Variants in RICTOR observed in about 807,000 individuals in gnomAD.
RICTOR encodes the protein RPTOR independent companion of MTOR complex 2, also known as rapamycin-insensitive companion of mTOR.
Under a neutral mutation model 214.9 loss-of-function variants are expected in RICTOR, and 49 were observed. The observed-to-expected ratio is 0.23, with a 90% CI of 0.18 to 0.29. The LOEUF (loss-of-function observed/expected upper bound fraction) is 0.29, where lower values mean the gene tolerates loss of function less well. Among genes scored for constraint, RICTOR ranks in the 10% least tolerant of loss-of-function variants. RICTOR has a pLI of 1.00. For synonymous variants in RICTOR, 717 were observed against 711.3 expected, an observed-to-expected ratio of 1.01 and a Z score of -0.13; for missense variants, 1,625 against 2,047.0, an observed-to-expected ratio of 0.79 and a Z score of 3.98.
chr5:38,962,973 T>C lies in RICTOR; in HGVS notation c.1469A>G (p.Tyr490Cys), dbSNP rs537050089. 2.0e-5 allele frequency: 32 copies of C among 1,612,682 alleles called. No individual in the cohort carries two copies. The African/African-American group carries it at 2.0e-4, about 10-fold the overall frequency. Reference protein sequence around the residue: ...HEMKKRGPKPYSLHLDHIIQK... With the variant: ...HEMKKRGPKPCSLHLDHIIQK... ...AATAATGTGGTCTAAATGAAGACTA[T>C]AAGGCTTAGGTCCTCGTTTCTTCAT... The change falls in exon 17 of 38, where the codon TAT becomes TGT. Residue 490 changes from tyrosine to cysteine, a missense_variant. Physicochemically the swap from Tyr to Cys is radical, Grantham distance 194 (BLOSUM62 -2). Transcript: ENST00000357387.
chr5:38,968,074 CT>C (rs1750384744), intron 11 of RICTOR, 44 bp from the exon 12 acceptor site: 1 of 1,120,594 alleles, frequency 8.9e-7, no homozygotes, highest in African/African-American at 1.5e-5. Flanking sequence ...TTATGAAACA[CT>C]TTTAAGATTT....
At chr5:39,053,890 C>CAAA (rs35354716) in intron 2 of RICTOR, among the ~76,000 whole-genome samples, 1 of 78,366 alleles carries the variant, frequency 1.3e-5, no homozygotes, top group East Asian at 3.3e-4. Flanking sequence ...GACTCCGTCT[C>CAAA]AAAAAAAAAA....
Position 38,947,304 on chromosome 5 carries a change from A to G in RICTOR, c.4274T>C (p.Ile1425Thr), listed in dbSNP as rs775180949. 2.2e-5 allele frequency: 36 copies of G among 1,612,970 alleles called. No individual in the cohort carries two copies. The highest frequency in any genetic ancestry group is 5.5e-5 in the South Asian group (5 of 91,040). Reference sequence around the variant, plus strand: ...TATATCCACCGGGAGAGCAAGACCAATGTAATCATCTGAACCCCCATATGT... The same window carrying G: ...TATATCCACCGGGAGAGCAAGACCAGTGTAATCATCTGAACCCCCATATGT... ...SATYGGSDDYIGLALPVDIND... is the reference protein window; with the variant it reads ...SATYGGSDDYTGLALPVDIND... The change falls in exon 32 of 38, where the codon ATT becomes ACT. Residue 1425 changes from isoleucine to threonine, a missense_variant. By Grantham distance (89) the Ile-to-Thr change is moderately conservative (BLOSUM62 -1). Coordinates refer to ENST00000357387, the MANE Select transcript of RICTOR (RefSeq NM_152756.5).
At chr5:39,006,404 T>C (rs1175587118) in intron 3 of RICTOR, among the ~76,000 whole-genome samples, 1 of 152,124 alleles carries the variant, frequency 6.6e-6, no homozygotes, top group Non-Finnish European at 1.5e-5. Flanking sequence ...ATGTCCTTAA[T>C]TGATTTATTG....
At position 38,959,644 on chromosome 5, in the gene RICTOR, A is replaced by G. The variant is rs530083761; in HGVS notation, c.2051+135T>C. 15 of 635,926 alleles carry G rather than the reference A, an allele frequency of 2.4e-5. No individual in the cohort carries two copies. The East Asian group carries it at 4.1e-4, about 18-fold the overall frequency. The allele number at this position is 635,926 out of a possible 1,614,324, so 39.4% of individuals were successfully genotyped here. On this transcript the variant is annotated intron_variant, in intron 21 of 37. Transcript: ENST00000357387. ...TAATAACAACAATTTTAAAAAGAAT[A>G]TTAAAGCAAAGATAATGCTAATTTA...
At chr5:39,006,311 A>G (rs1754048266) in intron 3 of RICTOR, among the ~76,000 whole-genome samples, 1 of 152,172 alleles carries the variant, frequency 6.6e-6, no homozygotes, top group Non-Finnish European at 1.5e-5. Context: ...TACTACCTTT[A>G]TGGATCCCAC....
chr5:38,958,564 C>T, intron 23 of RICTOR, 45 bp from the exon 24 acceptor site: 3 of 1,554,296 alleles, frequency 1.9e-6, no homozygotes, highest in Non-Finnish European at 2.6e-6. Context: ...ACAAAAATAG[C>T]AAAATTTTTA....
rs1161028536 is a variant in RICTOR, at chr5:38,944,972, C to T, written c.4730G>A (p.Ser1577Asn). Residue 1577 changes from serine to asparagine, a missense_variant, in exon 35 of 38, where the codon AGT becomes AAT. Around this residue, in one of 5 missense-constraint regions of RICTOR, gnomAD observed 1,214 missense variants for 1,470.5 expected, o/e 0.83. Transcript: ENST00000357387. ...TGAGCCTTCTTGAGACACCCCATCA[C>T]TGCATCCAGAAATCCCCGAAAACTT... Reference protein sequence around the residue: ...PSKFSGISGCSDGVSQEGSAS... With the variant: ...PSKFSGISGCNDGVSQEGSAS... 6.2e-7 allele frequency: 1 copy of T among 1,614,006 alleles called. No individual in the cohort carries two copies. Among genetic ancestry groups the T allele is most frequent in the Non-Finnish European group, 8.5e-7 (1 of 1,179,896 alleles).
Position 38,971,948 on chromosome 5 carries a change from A to G in RICTOR, c.901T>C (p.Leu301=), listed in dbSNP as rs1439069052. The part of the protein sequence containing the change: ...TFRSWAGIIN[L]CKPGNSGIQS... ...ATCCCAGAATTTCCAGGTTTACATA[A>G]ATTAATAATACCTAAAGAGGACAGA... Residue 301 remains leucine (L), a synonymous_variant, in exon 11 of 38, where the codon TTA becomes CTA. Transcript: ENST00000357387. 7.2e-7 allele frequency: 1 copy of G among 1,398,124 alleles called. No individual in the cohort carries two copies. The highest frequency in any genetic ancestry group is 1.4e-5 in the African/African-American group (1 of 70,022). 86.6% of individuals were successfully genotyped at this position (1,398,124 alleles called of 1,614,324 possible).
intron 2 of RICTOR, among the ~76,000 whole-genome samples, chr5:39,032,287 C>T (rs1756332410): frequency 6.6e-6 from 1 of 152,220 alleles, no homozygotes; most frequent in South Asian, 2.1e-4. Context: ...CTTGAAATAA[C>T]CATGTTTCCT....
At chr5:38,981,806 A>G in intron 8 of RICTOR, 61 bp downstream of exon 8, 1 of 1,185,866 alleles carries the variant, frequency 8.4e-7, no homozygotes, top group Non-Finnish European at 1.2e-6. Context: ...TAGTATTTCA[A>G]AGTAAAAGTA....
chr5:39,041,703 G>A (rs1757182015), intron 2 of RICTOR, among the ~76,000 whole-genome samples: 2 of 152,018 alleles, frequency 1.3e-5, no homozygotes, highest in South Asian at 4.1e-4. Flanking sequence ...CAGATTTGGG[G>A]GAAATTTTCT....
chr5:38,995,689 C>G (rs1580048153), intron 6 of RICTOR, among the ~76,000 whole-genome samples: 1 of 151,192 alleles, frequency 6.6e-6, no homozygotes, highest in East Asian at 1.9e-4. Flanking sequence ...GACATATAAC[C>G]CAAATAACCA....
At chr5:39,074,299 G>A (rs745365610) in intron 1 of RICTOR, 30 bp downstream of exon 1, 2 of 1,558,598 alleles carry the variant, frequency 1.3e-6, no homozygotes, top group South Asian at 1.2e-5. Flanking sequence ...GGCGCCGGGC[G>A]GTGGGGAGTG....
chr5:39,039,637 C>A (rs995611449), intron 2 of RICTOR, among the ~76,000 whole-genome samples: 8 of 152,026 alleles, frequency 5.3e-5, no homozygotes, highest in African/African-American at 1.9e-4. Context: ...ACAAACAACC[C>A]CATCAAAAAG....
chr5:38,978,850 G>C (rs549253497), intron 8 of RICTOR, among the ~76,000 whole-genome samples, 200 bp from the exon 9 acceptor site: 1 of 151,918 alleles, frequency 6.6e-6, no homozygotes, highest in South Asian at 2.1e-4. Context: ...CTTTTAAATT[G>C]AGGTTTAACA....
In RICTOR at chr5:38,981,944, C is replaced by T; in HGVS notation, c.676G>A (p.Ala226Thr). Reference sequence around the variant, plus strand: ...AGGTGCAAAATTGTAGTAATTAGGGCCTCATTTATTCGACTTAATTGGCAA... The same window carrying T: ...AGGTGCAAAATTGTAGTAATTAGGGTCTCATTTATTCGACTTAATTGGCAA... Reference protein sequence around the residue: ...IDCQLSRINEALITTILHLLN... With the variant: ...IDCQLSRINETLITTILHLLN... The change falls in exon 8 of 38, where the codon GCC becomes ACC. Residue 226 changes from alanine to threonine, a missense_variant. Ala to Thr is a moderately conservative substitution (Grantham distance 58). This residue lies in a region of RICTOR where 258 missense variants were observed against 393.7 expected (regional missense o/e 0.66). Transcript: ENST00000357387. 6.2e-7 allele frequency: 1 copy of T among 1,612,746 alleles called. No individual in the cohort carries two copies. Among genetic ancestry groups the T allele is most frequent in the Non-Finnish European group, 8.5e-7 (1 of 1,178,872 alleles).
At chr5:38,990,627 ATATATATC>A (rs1338792304) in intron 7 of RICTOR, among the ~76,000 whole-genome samples, 1 of 97,594 alleles carries the variant, frequency 1.0e-5, no homozygotes. Context: ...GATATATGAT[ATATATATC>A]TGACATATAT....
At chr5:39,013,814 AT>A (rs1486159177) in intron 3 of RICTOR, among the ~76,000 whole-genome samples, 1 of 152,146 alleles carries the variant, frequency 6.6e-6, no homozygotes, top group African/African-American at 2.4e-5. Context: ...GTCAATACAC[AT>A]TTACATACAA....
Sources: gnomAD v4.1 joint callset for allele counts (sites outside exome capture counted in the v4.1 genomes callset) on GRCh38, gnomAD v4.1.1 for gene constraint, gnomAD v4.1.1 regional missense constraint, MANE v1.5 for transcripts, NCBI Gene and HGNC (gene_info 2026-07-23, HGNC 2026-07-21) for gene names.